ZNF143: variants seen among roughly 807,000 people sequenced by gnomAD.
The protein encoded by ZNF143 is zinc finger protein 143, also known as SPH-binding factor.
ZNF143 carries 49 observed loss-of-function variants against 74.1 expected under a neutral mutation model. The ratio of observed to expected loss-of-function variants is 0.66; its 90% CI spans 0.53 to 0.84. The LOEUF is 0.84. ZNF143 is among the 40% of genes least tolerant of loss of function. ZNF143 has a pLI of 0.00. For synonymous variants in ZNF143, 304 were observed against 282.8 expected, an observed-to-expected ratio of 1.07 and a Z score of -0.75; for missense variants, 637 against 793.4, an observed-to-expected ratio of 0.80 and a Z score of 2.37.
At chr11:9,514,887 G>A (rs568503777) in intron 13 of ZNF143, among the ~76,000 whole-genome samples, 1 of 152,372 alleles carries the variant, frequency 6.6e-6, no homozygotes, top group African/African-American at 2.4e-5. Flanking sequence ...CCAGCACTTT[G>A]AGAGGCCAAG....
chr11:9,492,298 G>T (rs1264829978), intron 7 of ZNF143, among the ~76,000 whole-genome samples: 15 of 151,906 alleles, frequency 9.9e-5, no homozygotes, highest in Non-Finnish European at 1.2e-4. Context: ...TTTTAGTAGA[G>T]ACAGGGTTTC....
chr11:9,471,713 C>A (rs890773470), intron 2 of ZNF143, among the ~76,000 whole-genome samples: 1 of 151,708 alleles, frequency 6.6e-6, no homozygotes, highest in Non-Finnish European at 1.5e-5. Context: ...CCACCACGTC[C>A]GGCTAATTTT....
chr11:9,465,810 TTTTG>T (rs974536529), intron 1 of ZNF143, among the ~76,000 whole-genome samples: 45 of 151,960 alleles, frequency 3.0e-4, no homozygotes, highest in Admixed American at 1.1e-3. Context: ...GTTTTTTGTT[TTTTG>T]TTTGTTTGTT....
intron 1 of ZNF143, among the ~76,000 whole-genome samples, chr11:9,461,325 C>T (rs895703907): frequency 6.6e-6 from 1 of 152,192 alleles, no homozygotes; most frequent in Non-Finnish European, 1.5e-5. Flanking sequence ...CTCCCCCCAG[C>T]TTGTCTCTGA....
intron 7 of ZNF143, 76 bp downstream of exon 7, chr11:9,479,622 G>A: frequency 8.5e-7 from 1 of 1,174,880 alleles, no homozygotes; most frequent in Non-Finnish European, 1.2e-6. Flanking sequence ...AGCAAGAATA[G>A]GTAACTCACT....
intron 1 of ZNF143, among the ~76,000 whole-genome samples, chr11:9,470,448 G>C (rs1387372828): frequency 6.6e-6 from 1 of 152,224 alleles, no homozygotes; most frequent in Non-Finnish European, 1.5e-5. Context: ...GGTGCAGTTT[G>C]AAATGGGATG....
intron 14 of ZNF143, among the ~76,000 whole-genome samples, chr11:9,517,580 C>T (rs1848768367): frequency 6.6e-6 from 1 of 152,122 alleles, no homozygotes; most frequent in Non-Finnish European, 1.5e-5. Flanking sequence ...AGCATAGTCA[C>T]CATGATAGTA....
rs757541054 is a variant in ZNF143, at chr11:9,494,775, A to G, written c.765+10A>G. On this transcript the variant is annotated intron_variant, in intron 8 of 15. Transcript: ENST00000396602. ...AGCTCATCATCTCAAGGTATATATA[A>G]AAGAAATGTTCTATCTAGTTATGAG... 3 of 1,602,650 alleles carry G rather than the reference A, an allele frequency of 1.9e-6. No individual in the cohort carries two copies. The highest frequency in any genetic ancestry group is 3.4e-5 in the Admixed American group (2 of 59,602).
intron 6 of ZNF143, 69 bp downstream of exon 6, chr11:9,478,655 AAC>A: frequency 3.2e-6 from 5 of 1,543,612 alleles, no homozygotes; most frequent in Non-Finnish European, 3.5e-6. Flanking sequence ...AAGAAAAGAA[AAC>A]AAAAAAGTAC....
Position 9,508,467 on chromosome 11 carries a change from G to A in ZNF143, c.1148-152G>A, listed in dbSNP as rs114095597. On this transcript the variant is annotated intron_variant, in intron 11 of 15. Coordinates refer to ENST00000396602, the MANE Select transcript of ZNF143 (RefSeq NM_003442.6). The stretch of plus-strand genomic sequence containing the variant: ...TGAGTCAAGTCAAAACCATAGTTAG[G>A]GAATCTTTTCTTGTGTGCTGCCTCA... 3,746 of 678,068 alleles carry A rather than the reference G, an allele frequency of 5.5e-3. 91 individuals carry two copies. The African/African-American group carries it at 0.058, about 10-fold the overall frequency. 42.0% of individuals were successfully genotyped at this position (678,068 alleles called of 1,614,324 possible).
Position 9,527,800 on chromosome 11 carries a change from C to T in ZNF143, c.*187C>T, listed in dbSNP as rs1406957465. The T allele has an allele frequency of 2.3e-5, 13 of 556,704 alleles. No homozygotes were observed. The Admixed American group carries it at 2.8e-4, about 12-fold the overall frequency. The allele number at this position is 556,704 out of a possible 1,614,324, so 34.5% of individuals were successfully genotyped here. On this transcript the variant is annotated 3_prime_UTR_variant, in exon 16 of 16. Transcript: ENST00000396602. ...GTATATAACCCTTGGAATAGATTCT[C>T]AGAGTGATTCATTGTGTACAAGGAA...
At position 9,516,256 on chromosome 11, in the gene ZNF143, C is replaced by T. The variant is rs369947021; in HGVS notation, c.1580C>T (p.Thr527Met). ...QAIGNTITMVTQDGTPITVPA... is the reference protein window; with the variant it reads ...QAIGNTITMVMQDGTPITVPA... ...ATTGGCAACACCATCACAATGGTAA[C>T]GCAGGATGGCACGCCCATCACAGTC... The change falls in exon 14 of 16, where the codon ACG (threonine) becomes ATG (methionine). Residue 527 changes from threonine (T) to methionine (M), a missense_variant. Physicochemically the swap from Thr to Met is moderately conservative, Grantham distance 81 (BLOSUM62 -1). Coordinates refer to ENST00000396602, the MANE Select transcript of ZNF143 (RefSeq NM_003442.6). 8.7e-6 allele frequency: 14 copies of T among 1,614,092 alleles called. No homozygotes were observed. The highest frequency in any genetic ancestry group is 2.2e-5 in the East Asian group (1 of 44,878).
chr11:9,464,144 T>A (rs1202270118), intron 1 of ZNF143, among the ~76,000 whole-genome samples: 1 of 151,854 alleles, frequency 6.6e-6, no homozygotes, highest in Non-Finnish European at 1.5e-5. Flanking sequence ...AAAATCCATT[T>A]TTTTTAAGAG....
Position 9,528,246 on chromosome 11 carries a change from T to C in ZNF143, c.*633T>C, listed in dbSNP as rs1014359586. ...GAATTATGTACAAAATTATAAAATT[T>C]GGTTATTTAAAATTAAAAAGTTAAA... On this transcript the variant is annotated 3_prime_UTR_variant, in exon 16 of 16. Coordinates refer to ENST00000396602, the MANE Select transcript of ZNF143 (RefSeq NM_003442.6). 3 of 152,432 alleles carry C rather than the reference T, an allele frequency of 2.0e-5. No individual in the cohort carries two copies. The highest frequency in any genetic ancestry group is 7.2e-5 in the African/African-American group (3 of 41,598). 9.4% of individuals were successfully genotyped at this position (152,432 alleles called of 1,614,324 possible). A position where few individuals can be genotyped will look rare whatever the true frequency, so the allele number is the denominator to read the frequency against.
At position 9,478,628 on chromosome 11, in the gene ZNF143, T is replaced by C. The variant is rs371971540; in HGVS notation, c.570+42T>C. 6.0e-4 allele frequency: 936 copies of C among 1,550,110 alleles called. 2 individuals are homozygous for C. The highest frequency in any genetic ancestry group is 7.1e-4 in the Non-Finnish European group (815 of 1,142,446). On this transcript the variant is annotated intron_variant, in intron 6 of 15. Transcript: ENST00000396602. ...TGTCAAGAATGTTGCAGATATAGCT[T>C]CTTTATTTTTCATGAAAAGAAAAGA...
At position 9,508,628 on chromosome 11, in the gene ZNF143, C is replaced by T; in HGVS notation, c.1157C>T (p.Pro386Leu). 1 of 1,611,208 alleles carries T rather than the reference C, an allele frequency of 6.2e-7. No individual in the cohort carries two copies. The highest frequency in any genetic ancestry group is 8.5e-7 in the Non-Finnish European group (1 of 1,179,860). ...TGGTGTTGCTCTTTAGGAGAAAAGC[C>T]ATATGTTTGTACAGTTCCTGGGTGT... ...NHVRIHTGEKPYVCTVPGCDK... is the reference protein window; with the variant it reads ...NHVRIHTGEKLYVCTVPGCDK... The change falls in exon 12 of 16, where the codon CCA becomes CTA. Residue 386 changes from proline (P) to leucine (L), a missense_variant. Around this residue, in one of 2 missense-constraint regions of ZNF143, gnomAD observed 344 missense variants for 485.6 expected, o/e 0.71. Coordinates refer to ENST00000396602, the MANE Select transcript of ZNF143 (RefSeq NM_003442.6).
intron 8 of ZNF143, among the ~76,000 whole-genome samples, chr11:9,494,970 T>C (rs1847910346): frequency 6.6e-6 from 1 of 152,236 alleles, no homozygotes; most frequent in Non-Finnish European, 1.5e-5. Flanking sequence ...CTGTGTTTTT[T>C]TCATCTCTGT....
At position 9,484,307 on chromosome 11, in the gene ZNF143, C is replaced by T. The variant is rs997453054; in HGVS notation, c.645+4761C>T. On this transcript the variant is annotated intron_variant, in intron 7 of 15. Coordinates refer to ENST00000396602, the MANE Select transcript of ZNF143 (RefSeq NM_003442.6). ...CTCCTGGGTTTAACTGATTCACCTG[C>T]CTCAGCCTCCTGAGTAGCTGGTATC... is the stretch of plus-strand genomic sequence containing the variant. Among the ~76,000 whole-genome samples the T allele has an allele frequency of 2.6e-5, 4 of 151,352 alleles. No individual in the cohort carries two copies. The East Asian group carries it at 5.8e-4, about 22-fold the overall frequency.
At chr11:9,511,290 T>G (rs578249958) in intron 12 of ZNF143, among the ~76,000 whole-genome samples, 34 of 151,342 alleles carry the variant, frequency 2.2e-4, no homozygotes, top group Middle Eastern at 6.8e-3. Flanking sequence ...TTTGTGTTTT[T>G]GTTTGTTTGT....
Sources: allele counts gnomAD v4.1 joint callset (sites outside exome capture counted in the v4.1 genomes callset), GRCh38; gene constraint gnomAD v4.1.1; regional missense constraint gnomAD v4.1.1; transcripts MANE v1.5; gene names NCBI Gene and HGNC (gene_info 2026-07-23, HGNC 2026-07-21).